ZNF99: variants seen among roughly 807,000 people sequenced by gnomAD.
The protein encoded by ZNF99 is zinc finger protein 99, also known as zinc finger protein ENSP00000375192.
A neutral mutation model predicts 12.8 loss-of-function variants in ZNF99; 8 were observed. The ratio of observed to expected loss-of-function variants is 0.62; its 90% CI spans 0.37 to 1.13. ZNF99 has a LOEUF of 1.13. Among genes scored for constraint, ZNF99 ranks in the 50% most tolerant of loss-of-function variants. The pLI, the probability that ZNF99 is intolerant of heterozygous loss-of-function variation, is 0.02. For synonymous variants in ZNF99, 318 were observed against 319.0 expected (o/e 1.00, Z 0.03); for missense variants, 1,007 against 1,006.2 (o/e 1.00, Z -0.01).
rs1362000765 is a variant in ZNF99 at position 22,756,810 on chromosome 19, A to T, written c.*504T>A. ...ATTTGTAGGGTTTCTTTCCAGTATAATTATCTCATGTTTTCTAAGGGCTGA... is the reference window on the plus strand; with the variant it reads ...ATTTGTAGGGTTTCTTTCCAGTATATTTATCTCATGTTTTCTAAGGGCTGA... On this transcript the variant is annotated 3_prime_UTR_variant, in exon 4 of 4. Coordinates refer to ENST00000596209, the MANE Select transcript of ZNF99 (RefSeq NM_001080409.3). 1 of 1,612,448 alleles carries T rather than the reference A, an allele frequency of 6.2e-7. No homozygotes were observed. Among genetic ancestry groups the T allele is most frequent in the South Asian group, 1.1e-5 (1 of 91,058 alleles).
intron 1 of ZNF99, among the ~76,000 whole-genome samples, chr19:22,779,596 T>C (rs1297217458): frequency 6.6e-6 from 1 of 152,164 alleles, no homozygotes; most frequent in Non-Finnish European, 1.5e-5. Flanking sequence ...CTAAAATATT[T>C]CTTAATCAAA....
In ZNF99 at chr19:22,757,574, G is replaced by C. The variant is rs766327071; in HGVS notation, c.2335C>G (p.His779Asp). Residue 779 changes from histidine (H) to aspartate (D), a missense_variant, in exon 4 of 4, where the codon CAT becomes GAT. His to Asp is a moderately conservative substitution (Grantham distance 81). Coordinates refer to ENST00000596209, the MANE Select transcript of ZNF99 (RefSeq NM_001080409.3). ...AFKHFSALRK[H>D]KIIHTGKKPY... ...TTCTTTCCAGTATGAATTATCTTATGTTTTCTAAGGGCTGAGAAATGCTTA... is the reference window on the plus strand; with the variant it reads ...TTCTTTCCAGTATGAATTATCTTATCTTTTCTAAGGGCTGAGAAATGCTTA... 6.2e-7 allele frequency: 1 copy of C among 1,610,994 alleles called. No individual in the cohort carries two copies. The highest frequency in any genetic ancestry group is 1.1e-5 in the South Asian group (1 of 91,026).
In ZNF99 at chr19:22,768,285, T is replaced by C; in HGVS notation, c.226+20A>G. The C allele has an allele frequency of 1.2e-6, 2 of 1,613,224 alleles. No homozygotes were observed. Among genetic ancestry groups the C allele is most frequent in the Non-Finnish European group, 1.7e-6 (2 of 1,179,246 alleles). On this transcript the variant is annotated intron_variant, in intron 3 of 3. Transcript: ENST00000596209. ...CTGGACCTCTTATTTGTGTTGTTTC[T>C]TGTATTCACTCTCACATACCTGGGG...
At chr19:22,760,497 C>G (rs1240673882) in intron 3 of ZNF99, among the ~76,000 whole-genome samples, 1 of 152,130 alleles carries the variant, frequency 6.6e-6, no homozygotes, top group East Asian at 1.9e-4. Flanking sequence ...GTAATCCCAG[C>G]ACCTTGAGAG....
chr19:22,782,657 T>TG (rs1224040160), intron 1 of ZNF99, among the ~76,000 whole-genome samples: 1 of 118,964 alleles, frequency 8.4e-6, no homozygotes, highest in Admixed American at 8.9e-5. Context: ...CCACCGCACC[T>TG]GGCCTTTTTT....
At chr19:22,779,082 T>C (rs1250157455) in intron 1 of ZNF99, among the ~76,000 whole-genome samples, 1 of 151,874 alleles carries the variant, frequency 6.6e-6, no homozygotes, top group Non-Finnish European at 1.5e-5. Flanking sequence ...CTGTGATTAA[T>C]AAAATTCTCT....
In ZNF99 at chr19:22,754,075, G is replaced by A. The variant is rs776715868; in HGVS notation, c.*3239C>T. 2.4e-4 allele frequency: 110 copies of A among 452,756 alleles called. No individual in the cohort carries two copies. The highest frequency in any genetic ancestry group is 4.5e-4 in the Non-Finnish European group (102 of 225,978). 28.0% of individuals were successfully genotyped at this position (452,756 alleles called of 1,614,324 possible). Reference sequence around the variant, plus strand: ...ACTTATTAAAAACTTTGCCACATTCGACCGGGCTCAATGGCTCATGCTTGT... The same window carrying A: ...ACTTATTAAAAACTTTGCCACATTCAACCGGGCTCAATGGCTCATGCTTGT... On this transcript the variant is annotated 3_prime_UTR_variant, in exon 4 of 4. Coordinates refer to ENST00000596209, the MANE Select transcript of ZNF99 (RefSeq NM_001080409.3).
chr19:22,762,664 A>G (rs1391172193), intron 3 of ZNF99, among the ~76,000 whole-genome samples: 2 of 143,142 alleles, frequency 1.4e-5, no homozygotes, highest in African/African-American at 5.7e-5. Context: ...TAATACCAAA[A>G]CCAGAAAAGG....
intron 1 of ZNF99, 97 bp from the exon 2 acceptor site, chr19:22,769,421 G>C (rs1324932540): frequency 7.4e-7 from 1 of 1,343,614 alleles, no homozygotes; most frequent in Non-Finnish European, 1.0e-6. Flanking sequence ...AAAGAGAACA[G>C]GTTCTAACTT....
chr19:22,783,961 C>T, intron 1 of ZNF99, 53 bp downstream of exon 1: 2 of 1,613,032 alleles, frequency 1.2e-6, no homozygotes, highest in Middle Eastern at 1.7e-4. Flanking sequence ...CACTTTCCAC[C>T]GGTTCCAGTC....
chr19:22,762,964 T>A (rs2145146909), intron 3 of ZNF99, among the ~76,000 whole-genome samples: 1 of 152,198 alleles, frequency 6.6e-6, no homozygotes, highest in South Asian at 2.1e-4. Flanking sequence ...TTAGCAACAC[T>A]GGCATACAAG....
At position 22,758,040 on chromosome 19, in the gene ZNF99, A is replaced by G; in HGVS notation, c.1869T>C (p.Cys623=). ...GGCTAAAAGCTTTGCCACATTCTTCACATTTGTAGGGTTTCTTTCCAGTAT... is the reference window on the plus strand; with the variant it reads ...GGCTAAAAGCTTTGCCACATTCTTCGCATTTGTAGGGTTTCTTTCCAGTAT... The part of the protein sequence containing the change: ...IIHTGKKPYK[C]EECGKAFSQS... Residue 623 remains cysteine (C), a synonymous_variant, in exon 4 of 4, where the codon TGT becomes TGC. Coordinates refer to ENST00000596209, the MANE Select transcript of ZNF99 (RefSeq NM_001080409.3). 6.2e-7 allele frequency: 1 copy of G among 1,610,070 alleles called. No homozygotes were observed. The highest frequency in any genetic ancestry group is 8.5e-7 in the Non-Finnish European group (1 of 1,177,360).
At chr19:22,781,668 A>G (rs1973389475) in intron 1 of ZNF99, among the ~76,000 whole-genome samples, 2 of 152,064 alleles carry the variant, frequency 1.3e-5, no homozygotes. Flanking sequence ...AAGGAAGAGT[A>G]TACCAGGAGA....
chr19:22,759,507 G>T lies in ZNF99; in HGVS notation c.402C>A (p.Asn134Lys). ...TTCCCTGGGTAGTTGTCCAACATTGGTTAAGTTTATTATAAGCTTCTTCGT... is the reference window on the plus strand; with the variant it reads ...TTCCCTGGGTAGTTGTCCAACATTGTTTAAGTTTATTATAAGCTTCTTCGT... ...KMHEEAYNKL[N>K]QCWTTTQGKI... The change falls in exon 4 of 4, where the codon AAC becomes AAA. Residue 134 changes from asparagine (N) to lysine (K), a missense_variant. Transcript: ENST00000596209. The T allele has an allele frequency of 6.2e-7, 1 of 1,608,390 alleles. No individual in the cohort carries two copies. Among genetic ancestry groups the T allele is most frequent in the Non-Finnish European group, 8.5e-7 (1 of 1,178,390 alleles).
chr19:22,769,810 T>A (rs1973246431), intron 1 of ZNF99: 1 of 1,225,626 alleles, frequency 8.2e-7, no homozygotes, highest in Admixed American at 3.4e-5. Flanking sequence ...TCTAATGTAT[T>A]CTCAAACTCT....
chr19:22,760,494 C>T (rs536243446), intron 3 of ZNF99, among the ~76,000 whole-genome samples: 29 of 152,248 alleles, frequency 1.9e-4, no homozygotes, highest in Non-Finnish European at 3.7e-4. Flanking sequence ...CCTGTAATCC[C>T]AGCACCTTGA....
Position 22,754,475 on chromosome 19 carries a change from C to T in ZNF99, c.*2839G>A, listed in dbSNP as rs1300828806. 1 of 410,234 alleles carries T rather than the reference C, an allele frequency of 2.4e-6. No homozygotes were observed. Among genetic ancestry groups the T allele is most frequent in the Non-Finnish European group, 4.8e-6 (1 of 208,930 alleles). 25.4% of individuals were successfully genotyped at this position (410,234 alleles called of 1,614,324 possible). On this transcript the variant is annotated 3_prime_UTR_variant, in exon 4 of 4. Coordinates refer to ENST00000596209, the MANE Select transcript of ZNF99 (RefSeq NM_001080409.3). ...TGAAATGTTTTTAAAGCTTTTGTCA[C>T]ATTCTTCATATTTATAAAATTTATC...
At chr19:22,766,619 G>C (rs1973206592) in intron 3 of ZNF99, among the ~76,000 whole-genome samples, 1 of 151,170 alleles carries the variant, frequency 6.6e-6, no homozygotes, top group African/African-American at 2.4e-5. Context: ...TTACAGGCAT[G>C]AGCCACCGTG....
chr19:22,768,091 G>A (rs1255818949), intron 3 of ZNF99, among the ~76,000 whole-genome samples: 1 of 152,142 alleles, frequency 6.6e-6, no homozygotes, highest in African/African-American at 2.4e-5. Context: ...TAAACTTGAA[G>A]GGAAATTACC....
Sources: gnomAD v4.1 joint callset for allele counts (sites outside exome capture counted in the v4.1 genomes callset) on GRCh38, gnomAD v4.1.1 for gene constraint, MANE v1.5 for transcripts, NCBI Gene and HGNC (gene_info 2026-07-23, HGNC 2026-07-21) for gene names.